The following MORC1 variants were observed in gnomAD, a reference collection of about 807,000 sequenced individuals.
MORC1 encodes MORC family CW-type zinc finger protein 1.
In MORC1, 59 loss-of-function variants were observed where a neutral mutation model predicts 134.9. The observed-to-expected ratio is 0.44, with a 90% CI of 0.35 to 0.54. The LOEUF (loss-of-function observed/expected upper bound fraction) is 0.54, where lower values mean the gene tolerates loss of function less well. Among genes scored for constraint, MORC1 ranks in the 20% least tolerant of loss-of-function variants. The pLI, the probability that MORC1 is intolerant of heterozygous loss-of-function variation, is 0.00. For synonymous variants in MORC1, 395 were observed against 391.7 expected, an observed-to-expected ratio of 1.01 and a Z score of -0.10; for missense variants, 947 against 1,134.5, an observed-to-expected ratio of 0.83 and a Z score of 2.37.
chr3:108,985,132 C>T (rs898532236), intron 22 of MORC1, among the ~76,000 whole-genome samples: 3 of 152,158 alleles, frequency 2.0e-5, no homozygotes, highest in African/African-American at 4.8e-5. Context: ...CAATAACCCA[C>T]TCTCTCCTAT....
At chr3:109,055,944 T>G (rs1040222388) in intron 13 of MORC1, among the ~76,000 whole-genome samples, 7 of 152,194 alleles carry the variant, frequency 4.6e-5, no homozygotes, top group African/African-American at 1.7e-4. Flanking sequence ...AAGACCTTCC[T>G]GTGGAGAATA....
intron 14 of MORC1, among the ~76,000 whole-genome samples, chr3:109,054,489 T>C (rs1949910560): frequency 6.6e-6 from 1 of 152,172 alleles, no homozygotes; most frequent in South Asian, 2.1e-4. Context: ...AGCTGCCACC[T>C]CACTCTGTTC....
rs1218799362 is a variant in MORC1 at position 108,958,837 on chromosome 3, A to C, written c.*128T>G. On this transcript the variant is annotated 3_prime_UTR_variant, in exon 28 of 28. Coordinates refer to ENST00000232603, the MANE Select transcript of MORC1 (RefSeq NM_014429.4). Reference sequence around the variant, plus strand: ...GTACACAATTTTCTTATTTGAAAAAAATTATTTCTTATTTCTTATTGTTAA... The same window carrying C: ...GTACACAATTTTCTTATTTGAAAAACATTATTTCTTATTTCTTATTGTTAA... 1 of 585,272 alleles carries C rather than the reference A, an allele frequency of 1.7e-6. No homozygotes were observed. Among genetic ancestry groups the C allele is most frequent in the Non-Finnish European group, 2.7e-6 (1 of 375,274 alleles). 36.3% of individuals were successfully genotyped at this position (585,272 alleles called of 1,614,324 possible).
At chr3:109,108,945 A>G (rs918542100) in intron 3 of MORC1, among the ~76,000 whole-genome samples, 3 of 151,762 alleles carry the variant, frequency 2.0e-5, no homozygotes, top group Admixed American at 6.5e-5. Flanking sequence ...GAAAACTGAC[A>G]CTGCTCAAAG....
chr3:109,053,962 CA>C (rs1205513396), intron 14 of MORC1, among the ~76,000 whole-genome samples: 4 of 152,050 alleles, frequency 2.6e-5, no homozygotes, highest in Admixed American at 1.3e-4. Flanking sequence ...TTAACATACT[CA>C]AGAATTTTTA....
intron 8 of MORC1, among the ~76,000 whole-genome samples, chr3:109,082,332 G>A (rs1950539443): frequency 6.6e-6 from 1 of 150,870 alleles, no homozygotes; most frequent in South Asian, 2.1e-4. Context: ...ACAAAAACCA[G>A]ACAGAGAAGA....
chr3:109,003,540 T>C (rs1206355568), intron 20 of MORC1, among the ~76,000 whole-genome samples: 1 of 152,128 alleles, frequency 6.6e-6, no homozygotes, highest in Non-Finnish European at 1.5e-5. Flanking sequence ...GCAACATATC[T>C]ATACAATAAA....
chr3:108,977,046 T>A (rs1328711045), intron 24 of MORC1, among the ~76,000 whole-genome samples: 1 of 152,190 alleles, frequency 6.6e-6, no homozygotes, highest in Non-Finnish European at 1.5e-5. Context: ...TAGCTATGCA[T>A]CCAAACTCTG....
intron 17 of MORC1, among the ~76,000 whole-genome samples, chr3:109,018,621 T>C (rs1948878779): frequency 6.6e-6 from 1 of 152,192 alleles, no homozygotes; most frequent in Non-Finnish European, 1.5e-5. Flanking sequence ...TTGCCTGCAG[T>C]ACAAATTGTA....
chr3:108,988,499 T>G (rs1205306501), intron 21 of MORC1, among the ~76,000 whole-genome samples: 3 of 152,178 alleles, frequency 2.0e-5, no homozygotes, highest in Admixed American at 6.6e-5. Flanking sequence ...TTTCTTCTGA[T>G]GCACTGATAT....
intron 14 of MORC1, among the ~76,000 whole-genome samples, chr3:109,037,020 G>A (rs965105938): frequency 8.6e-5 from 13 of 152,026 alleles, no homozygotes; most frequent in Non-Finnish European, 1.6e-4. Flanking sequence ...CCTTCCCTTA[G>A]GTCAAAACAA....
intron 14 of MORC1, among the ~76,000 whole-genome samples, chr3:109,044,040 A>G (rs904006909): frequency 6.6e-6 from 1 of 152,224 alleles, no homozygotes; most frequent in Non-Finnish European, 1.5e-5. Context: ...AAATTATAAA[A>G]GAGTACATAT....
At chr3:109,018,501 C>T (rs761982895) in intron 17 of MORC1, among the ~76,000 whole-genome samples, 1 of 151,950 alleles carries the variant, frequency 6.6e-6, no homozygotes, top group Non-Finnish European at 1.5e-5. Flanking sequence ...GTTTATATTC[C>T]AAAGGGTAAG....
intron 21 of MORC1, among the ~76,000 whole-genome samples, chr3:109,000,286 T>A (rs917235152): frequency 6.6e-6 from 1 of 152,164 alleles, no homozygotes; most frequent in Admixed American, 6.5e-5. Flanking sequence ...TATTTTTGCC[T>A]ATTTACATAT....
intron 8 of MORC1, among the ~76,000 whole-genome samples, chr3:109,085,440 A>G (rs1018516668): frequency 1.3e-5 from 2 of 152,288 alleles, no homozygotes; most frequent in African/African-American, 4.8e-5. Flanking sequence ...TTATTTTAAA[A>G]TGGGCAAAAG....
At chr3:109,091,860 C>T (rs1222607533) in intron 8 of MORC1, among the ~76,000 whole-genome samples, 1 of 152,146 alleles carries the variant, frequency 6.6e-6, no homozygotes, top group African/African-American at 2.4e-5. Flanking sequence ...AGGTCTGATT[C>T]ATTTTCTTTA....
At chr3:109,003,809 A>G (rs1209851481) in intron 20 of MORC1, among the ~76,000 whole-genome samples, 1 of 152,206 alleles carries the variant, frequency 6.6e-6, no homozygotes, top group East Asian at 1.9e-4. Flanking sequence ...TTTCAAAATC[A>G]TAGGAAAATG....
intron 26 of MORC1, among the ~76,000 whole-genome samples, chr3:108,964,390 A>C (rs546144812): frequency 6.6e-6 from 1 of 152,200 alleles, no homozygotes; most frequent in Non-Finnish European, 1.5e-5. Flanking sequence ...TTATGTAATA[A>C]GGAGATTTCT....
chr3:109,099,830 AAAC>A (rs1201696956), intron 5 of MORC1, among the ~76,000 whole-genome samples: 1 of 152,246 alleles, frequency 6.6e-6, no homozygotes, highest in Non-Finnish European at 1.5e-5. Context: ...ATGCTTTGGG[AAAC>A]AACAGAACAT....
Sources: gnomAD v4.1 joint callset for allele counts (sites outside exome capture counted in the v4.1 genomes callset) on GRCh38, gnomAD v4.1.1 for gene constraint, MANE v1.5 for transcripts, NCBI Gene and HGNC (gene_info 2026-07-23, HGNC 2026-07-21) for gene names.